Variants in DPYD observed in about 807,000 individuals in gnomAD.
DPYD encodes dihydropyrimidine dehydrogenase [NADP(+)].
Under a neutral mutation model 116.2 loss-of-function variants are expected in DPYD, and 109 were observed. The ratio of observed to expected loss-of-function variants is 0.94; its 90% CI spans 0.80 to 1.10. DPYD has a LOEUF of 1.10. Ranked by LOEUF, DPYD falls within the 50% of genes least tolerant of loss-of-function variation. The pLI is 0.00. For missense variants in DPYD, 1,302 were observed against 1,254.5 expected, an observed-to-expected ratio of 1.04 and a Z score of -0.57; for synonymous variants, 440 against 432.0, an observed-to-expected ratio of 1.02 and a Z score of -0.23.
At chr1:97,551,145 GGTTTTT>G (rs1409930099) in intron 11 of DPYD, among the ~76,000 whole-genome samples, 2 of 152,022 alleles carry the variant, frequency 1.3e-5, no homozygotes, top group African/African-American at 4.8e-5. Flanking sequence ...ATCATACTCA[GGTTTTT>G]ATTTTAAAAT....
chr1:97,446,874 T>C (rs1676113441), intron 14 of DPYD, among the ~76,000 whole-genome samples: 1 of 152,118 alleles, frequency 6.6e-6, no homozygotes, highest in Non-Finnish European at 1.5e-5. Flanking sequence ...AATCTCAGCT[T>C]AGGAACAAAA....
chr1:97,602,928 A>G (rs1655354435), intron 8 of DPYD, among the ~76,000 whole-genome samples: 1 of 151,984 alleles, frequency 6.6e-6, no homozygotes, highest in Non-Finnish European at 1.5e-5. Flanking sequence ...AAAAGATGTT[A>G]ATGTAATTTC....
rs369736886 is a variant in DPYD, at chr1:97,461,364, T to C, written c.1741-11141A>G. Reference sequence around the variant, plus strand: ...TCTACTTTCAACTTTATTCTAGAGATTCCAATCATAAAAACTTTGGAAAAC... The same window carrying C: ...TCTACTTTCAACTTTATTCTAGAGACTCCAATCATAAAAACTTTGGAAAAC... On this transcript the variant is annotated intron_variant, in intron 13 of 22. Coordinates refer to ENST00000370192, the MANE Select transcript of DPYD (RefSeq NM_000110.4). Among the ~76,000 whole-genome samples, 272 of 152,264 alleles carry C rather than the reference T, an allele frequency of 1.8e-3. 4 individuals carry two copies. The South Asian group carries it at 0.05, about 28-fold the overall frequency.
chr1:97,674,841 T>G (rs1273132426), intron 8 of DPYD, among the ~76,000 whole-genome samples: 2 of 152,192 alleles, frequency 1.3e-5, no homozygotes, highest in Admixed American at 6.5e-5. Flanking sequence ...GCACAGTGTT[T>G]GGGACATTGA....
In DPYD at chr1:97,570,376, A is replaced by G. The variant is rs148012065; in HGVS notation, c.1339+3384T>C. On this transcript the variant is annotated intron_variant, in intron 11 of 22. Transcript: ENST00000370192. Reference sequence around the variant, plus strand: ...TACTTCATTACTTGAATTTTTCAGTATGTCTTTATGTAATGCATTTACCAA... The same window carrying G: ...TACTTCATTACTTGAATTTTTCAGTGTGTCTTTATGTAATGCATTTACCAA... Among the ~76,000 whole-genome samples the G allele has an allele frequency of 1.6e-4, 25 of 152,106 alleles. No individual in the cohort carries two copies. The East Asian group carries it at 3.5e-3, about 21-fold the overall frequency.
chr1:97,090,047 T>A (rs1649796158), intron 21 of DPYD, among the ~76,000 whole-genome samples: 1 of 152,146 alleles, frequency 6.6e-6, no homozygotes, highest in African/African-American at 2.4e-5. Context: ...CCAGTTATTT[T>A]CCTCATTATT....
At chr1:97,349,654 T>C (rs1397050188) in intron 16 of DPYD, among the ~76,000 whole-genome samples, 1 of 152,176 alleles carries the variant, frequency 6.6e-6, no homozygotes, top group Non-Finnish European at 1.5e-5. Context: ...GGTTCATCCA[T>C]GTCCCTGCAA....
chr1:97,281,980 T>G (rs1236391549), intron 18 of DPYD, among the ~76,000 whole-genome samples: 2 of 152,132 alleles, frequency 1.3e-5, no homozygotes. Flanking sequence ...TTTTTGCACA[T>G]AAGTTATTGG....
At chr1:97,267,389 A>T (rs1229802738) in intron 18 of DPYD, among the ~76,000 whole-genome samples, 1 of 152,064 alleles carries the variant, frequency 6.6e-6, no homozygotes, top group South Asian at 2.1e-4. Flanking sequence ...AAGAAAGGGT[A>T]TCAGTGATTG....
intron 1 of DPYD, among the ~76,000 whole-genome samples, chr1:97,895,384 T>C (rs1309278915): frequency 6.6e-6 from 1 of 151,776 alleles, no homozygotes; most frequent in Non-Finnish European, 1.5e-5. Context: ...AAGGGAAAGA[T>C]GAAAGCAGGA....
In DPYD at chr1:97,473,075, A is replaced by C. The variant is rs561332228; in HGVS notation, c.1741-22852T>G. 4.9e-4 allele frequency among the ~76,000 whole-genome samples: 74 copies of C among 152,332 alleles called. 1 individual carries two copies. The highest frequency in any genetic ancestry group is 1.7e-3 in the African/African-American group (71 of 41,576). On this transcript the variant is annotated intron_variant, in intron 13 of 22. Coordinates refer to ENST00000370192, the MANE Select transcript of DPYD (RefSeq NM_000110.4). The stretch of plus-strand genomic sequence containing the variant: ...TATATTAGATCCCCAGAACATATTC[A>C]TCTTAAAATTGTAAGTGTGTACCCT...
intron 19 of DPYD, among the ~76,000 whole-genome samples, chr1:97,210,110 G>A (rs1012462484): frequency 6.6e-6 from 1 of 152,056 alleles, no homozygotes; most frequent in African/African-American, 2.4e-5. Flanking sequence ...AGACTGATGA[G>A]CCACAAAAAT....
At chr1:97,267,665 T>C (rs1664323285) in intron 18 of DPYD, among the ~76,000 whole-genome samples, 1 of 150,890 alleles carries the variant, frequency 6.6e-6, no homozygotes, top group Non-Finnish European at 1.5e-5. Flanking sequence ...ATCACCCTCA[T>C]GAATGGGCAT....
In DPYD at chr1:97,816,286, GA is replaced by G. The variant is rs939057733; in HGVS notation, c.233+11827del. On this transcript the variant is annotated intron_variant, in intron 3 of 22. Coordinates refer to ENST00000370192, the MANE Select transcript of DPYD (RefSeq NM_000110.4). ...CCATCTCCTTTCACTCAAAAAAAGA[GA>G]AAAAAAAAAGAAAATACAAAAACAA... 3.1e-3 allele frequency among the ~76,000 whole-genome samples: 421 copies of G among 134,202 alleles called. 2 individuals are homozygous for G. The highest frequency in any genetic ancestry group is 0.01 in the African/African-American group (369 of 36,574). 88.0% of individuals were successfully genotyped at this position (134,202 alleles called of 152,430 possible). A position where few individuals can be genotyped will look rare whatever the true frequency, so the allele number is the denominator to read the frequency against.
At chr1:97,463,166 C>T (rs2101828747) in intron 13 of DPYD, among the ~76,000 whole-genome samples, 1 of 152,318 alleles carries the variant, frequency 6.6e-6, no homozygotes, top group South Asian at 2.1e-4. Flanking sequence ...GCTGTGTCTT[C>T]ACCCAAATCT....
intron 7 of DPYD, among the ~76,000 whole-genome samples, chr1:97,686,837 G>A (rs1660764136): frequency 6.6e-6 from 1 of 151,904 alleles, no homozygotes; most frequent in Non-Finnish European, 1.5e-5. Context: ...CACAGCAAAA[G>A]AAACTATCAT....
intron 18 of DPYD, among the ~76,000 whole-genome samples, chr1:97,272,363 T>C (rs531680995): frequency 2.0e-5 from 3 of 152,224 alleles, no homozygotes; most frequent in East Asian, 1.9e-4. Context: ...TAAACGATCA[T>C]CAACCTCTCC....
chr1:97,662,570 T>C (rs550722757), intron 8 of DPYD, among the ~76,000 whole-genome samples: 3 of 152,034 alleles, frequency 2.0e-5, no homozygotes, highest in African/African-American at 7.2e-5. Context: ...GAGGCAGAGT[T>C]TGCAGTGAGC....
At chr1:97,625,553 C>A (rs1656881652) in intron 8 of DPYD, among the ~76,000 whole-genome samples, 1 of 151,890 alleles carries the variant, frequency 6.6e-6, no homozygotes, top group Non-Finnish European at 1.5e-5. Flanking sequence ...ATAAGATCTT[C>A]AAAGAAAGAA....
Sources: allele counts gnomAD v4.1 joint callset (sites outside exome capture counted in the v4.1 genomes callset), GRCh38; gene constraint gnomAD v4.1.1; transcripts MANE v1.5; gene names NCBI Gene and HGNC (gene_info 2026-07-23, HGNC 2026-07-21).